SUMF1: variants seen among roughly 807,000 people sequenced by gnomAD.
The protein encoded by SUMF1 is formylglycine-generating enzyme.
Under a neutral mutation model 47.6 loss-of-function variants are expected in SUMF1, and 48 were observed. The ratio of observed to expected loss-of-function variants is 1.01; its 90% CI spans 0.80 to 1.28. SUMF1 has a LOEUF of 1.28. Ranked by LOEUF, SUMF1 falls within the 50% of genes most tolerant of loss-of-function variation. The pLI is 0.00. For missense variants in SUMF1, 571 were observed against 485.4 expected (o/e 1.18, Z -1.66); for synonymous variants, 230 against 192.1 (o/e 1.20, Z -1.63).
rs1343887681 is a variant in SUMF1 at position 4,046,930 on chromosome 3, T to C, written c.1191+21639A>G. 6.6e-5 allele frequency among the ~76,000 whole-genome samples: 10 copies of C among 152,204 alleles called. 1 individual carries two copies. The East Asian group carries it at 1.9e-3, about 29-fold the overall frequency. On this transcript the variant is annotated intron_variant and NMD_transcript_variant, in intron 9 of 12. Coordinates refer to the SUMF1 transcript ENST00000448413. ...TTAAATAAAATTTGAACCCTGAATG[T>C]GGCCTAAACCCTACACATTTTGCCT...
intron 8 of SUMF1, among the ~76,000 whole-genome samples, chr3:4,165,449 AG>A (rs1194583467): frequency 6.6e-6 from 1 of 151,998 alleles, no homozygotes; most frequent in African/African-American, 2.4e-5. Flanking sequence ...AGATTAAAGG[AG>A]GCTTATCATT....
At chr3:4,297,025 A>G (rs929791248) in intron 8 of SUMF1, among the ~76,000 whole-genome samples, 14 of 152,126 alleles carry the variant, frequency 9.2e-5, no homozygotes, top group African/African-American at 3.4e-4. Context: ...TTCTCCATCT[A>G]TATACCAAAT....
At chr3:4,267,120 A>C (rs987090164) in intron 8 of SUMF1, among the ~76,000 whole-genome samples, 2 of 152,040 alleles carry the variant, frequency 1.3e-5, no homozygotes, top group African/African-American at 4.8e-5. Context: ...TGCTGGATTC[A>C]GTTTGCCAGT....
At chr3:4,270,352 T>C (rs916535576) in intron 8 of SUMF1, among the ~76,000 whole-genome samples, 19 of 152,034 alleles carry the variant, frequency 1.2e-4, no homozygotes, top group African/African-American at 4.6e-4. Flanking sequence ...TTCCTTCTTC[T>C]CTCTTCCTTT....
chr3:4,275,519 G>T (rs1227324932), intron 8 of SUMF1, among the ~76,000 whole-genome samples: 2 of 152,134 alleles, frequency 1.3e-5, no homozygotes, highest in Non-Finnish European at 2.9e-5. Flanking sequence ...CTCCATCCCA[G>T]CAGACCTTCC....
chr3:4,337,998 A>G (rs531978264), intron 8 of SUMF1, among the ~76,000 whole-genome samples: 34 of 152,314 alleles, frequency 2.2e-4, no homozygotes, highest in African/African-American at 7.5e-4. Flanking sequence ...TTCAACAGAC[A>G]CCAGGCCTCC....
chr3:4,236,618 G>A (rs313633), intron 8 of SUMF1, among the ~76,000 whole-genome samples: 87,369 of 151,358 alleles, frequency 0.58, 25,577 homozygotes, highest in African/African-American at 0.63. Flanking sequence ...AACAAACTTT[G>A]TTCTCTAGAG....
At chr3:4,303,894 A>C in intron 8 of SUMF1, 1 of 1,249,070 alleles carries the variant, frequency 8.0e-7, no homozygotes, top group Admixed American at 2.9e-5. Context: ...GGGCCTATTA[A>C]TGGATCGCAG....
intron 8 of SUMF1, among the ~76,000 whole-genome samples, chr3:4,250,375 A>G (rs1292205350): frequency 6.6e-6 from 1 of 152,042 alleles, no homozygotes; most frequent in Non-Finnish European, 1.5e-5. Context: ...AATCTAGCAG[A>G]CGTTGGCTCA....
downstream of SUMF1, among the ~76,000 whole-genome samples, chr3:4,357,465 G>C (rs1247451189): frequency 6.6e-6 from 1 of 151,762 alleles, no homozygotes; most frequent in Non-Finnish European, 1.5e-5. Flanking sequence ...TGAAATTTCA[G>C]TCATTATTTT....
At chr3:4,417,987 GC>G (rs755207702) in intron 5 of SUMF1, 22 bp downstream of exon 5, 2 of 1,613,616 alleles carry the variant, frequency 1.2e-6, no homozygotes, top group Non-Finnish European at 1.7e-6. Flanking sequence ...ATATTGTCAG[GC>G]AAAATGAGAT....
chr3:4,270,021 C>T (rs953744878), intron 8 of SUMF1, among the ~76,000 whole-genome samples: 1 of 152,084 alleles, frequency 6.6e-6, no homozygotes, highest in African/African-American at 2.4e-5. Flanking sequence ...ATTTAGTCCC[C>T]ACAGAAGTAC....
chr3:4,380,957 T>A (rs1422772094), intron 7 of SUMF1, among the ~76,000 whole-genome samples: 1 of 152,162 alleles, frequency 6.6e-6, no homozygotes, highest in Non-Finnish European at 1.5e-5. Context: ...GAACCACGTA[T>A]CAGTGAGACT....
At chr3:4,056,650 C>G (rs929198934) in intron 9 of SUMF1, among the ~76,000 whole-genome samples, 1 of 152,052 alleles carries the variant, frequency 6.6e-6, no homozygotes. Flanking sequence ...CAGAGTGAGA[C>G]GTCTCTAAAA....
At chr3:4,258,080 T>A (rs1355802932) in intron 8 of SUMF1, among the ~76,000 whole-genome samples, 5 of 150,980 alleles carry the variant, frequency 3.3e-5, no homozygotes, top group Non-Finnish European at 7.4e-5. Context: ...TGAAACTGGA[T>A]CCCTTCCTTA....
chr3:4,373,808 A>C (rs201860079), intron 8 of SUMF1, among the ~76,000 whole-genome samples: 1 of 1,708 alleles, frequency 5.9e-4, no homozygotes, highest in Non-Finnish European at 0.01. Context: ...AATCAAATCC[A>C]AAAATGTATA....
intron 8 of SUMF1, among the ~76,000 whole-genome samples, chr3:4,206,592 G>A (rs1421864650): frequency 6.6e-6 from 1 of 152,074 alleles, no homozygotes; most frequent in Admixed American, 6.6e-5. Context: ...CAAGGGTGTT[G>A]GAGGCAATTC....
At chr3:4,147,213 G>T (rs1202688073) in intron 8 of SUMF1, among the ~76,000 whole-genome samples, 2 of 152,104 alleles carry the variant, frequency 1.3e-5, no homozygotes, top group African/African-American at 2.4e-5. Context: ...TTACACTGTT[G>T]GTGGGACTGT....
chr3:4,296,961 C>T (rs7651382), intron 8 of SUMF1, among the ~76,000 whole-genome samples: 2,231 of 152,238 alleles, frequency 0.015, 64 homozygotes, highest in African/African-American at 0.051. Flanking sequence ...GCTGTCCTCT[C>T]TCCTTATCAC....
Sources: gnomAD v4.1 joint callset for allele counts (sites outside exome capture counted in the v4.1 genomes callset) on GRCh38, gnomAD v4.1.1 for gene constraint, MANE v1.5 for transcripts, NCBI Gene and HGNC (gene_info 2026-07-23, HGNC 2026-07-21) for gene names.